RAD54B: variants seen among roughly 807,000 people sequenced by gnomAD.
RAD54B encodes DNA repair and recombination protein RAD54B.
Under a neutral mutation model 95.8 loss-of-function variants are expected in RAD54B, and 78 were observed. The ratio of observed to expected loss-of-function variants is 0.81; its 90% confidence interval spans 0.68 to 0.98. RAD54B has a LOEUF of 0.98. Among genes scored for constraint, RAD54B ranks in the 50% least tolerant of loss-of-function variants. RAD54B has a pLI of 0.00. For synonymous variants in RAD54B, 328 were observed against 354.9 expected (o/e 0.92, Z 0.85); for missense variants, 957 against 1,056.6 (o/e 0.91, Z 1.31).
At chr8:94,449,559 A>G (rs369921058) in intron 3 of RAD54B, among the ~76,000 whole-genome samples, 28 of 151,424 alleles carry the variant, frequency 1.8e-4, no homozygotes, top group African/African-American at 6.8e-4. Context: ...CAGTGAGCCA[A>G]GATCGCATCA....
In RAD54B at chr8:94,399,629, A is replaced by G. The variant is rs1236728136; in HGVS notation, c.1171-8T>C. The G allele has an allele frequency of 2.5e-6, 4 of 1,593,058 alleles. No homozygotes were observed. Among genetic ancestry groups the G allele is most frequent in the South Asian group, 1.1e-5 (1 of 87,490 alleles). ...TTCTTCAACTTTGTGGTCCTGAGGAAAAAAGATAGTATTTTAAAAATCAGG... is the reference window on the plus strand; with the variant it reads ...TTCTTCAACTTTGTGGTCCTGAGGAGAAAAGATAGTATTTTAAAAATCAGG... On this transcript the variant is annotated splice_polypyrimidine_tract_variant and splice_region_variant and intron_variant, in intron 7 of 14. Coordinates refer to ENST00000336148, the MANE Select transcript of RAD54B (RefSeq NM_012415.3).
chr8:94,467,460 T>A lies in RAD54B; in HGVS notation c.80A>T (p.Asn27Ile), dbSNP rs1426010784. 1 of 1,613,684 alleles carries A rather than the reference T, an allele frequency of 6.2e-7. No homozygotes were observed. The highest frequency in any genetic ancestry group is 1.1e-5 in the South Asian group (1 of 91,044). The change falls in exon 2 of 15, where the codon AAT becomes ATT. Residue 27 changes from asparagine (N) to isoleucine (I), a missense_variant. By Grantham distance (149) the Asn-to-Ile change is moderately radical (BLOSUM62 -3). Transcript: ENST00000336148. ...TGTAATCTCTTCATTCAGACCTGGATTACTTCTTCCTGGAGGTATAAATTT... is the reference window on the plus strand; with the variant it reads ...TGTAATCTCTTCATTCAGACCTGGAATACTTCTTCCTGGAGGTATAAATTT... ...KPKFIPPGRS[N>I]PGLNEEITKL...
In RAD54B at chr8:94,411,204, T is replaced by C. The variant is rs555902676; in HGVS notation, c.416A>G (p.Lys139Arg). The C allele has an allele frequency of 1.2e-6, 2 of 1,611,426 alleles. No homozygotes were observed. The highest frequency in any genetic ancestry group is 2.2e-5 in the South Asian group (2 of 90,478). ...VWCKPSKKKH[K>R]KWEGDAVLIV... The stretch of plus-strand genomic sequence containing the variant: ...AAGAACAGCATCACCTTCCCACTTT[T>C]TATGTTTTTTCTTTGAAGGCTTACA... The change falls in exon 4 of 15, where the codon AAA becomes AGA. Residue 139 changes from lysine to arginine, a missense_variant. By Grantham distance (26) the Lys-to-Arg change is conservative. Transcript: ENST00000336148.
At chr8:94,390,280 A>G (rs1036679868) in intron 10 of RAD54B, among the ~76,000 whole-genome samples, 187 of 151,896 alleles carry the variant, frequency 1.2e-3, no homozygotes, top group African/African-American at 4.1e-3. Flanking sequence ...CAGGCAGATC[A>G]CCTGAGGTCA....
At chr8:94,425,133 G>A (rs1307905019) in intron 3 of RAD54B, among the ~76,000 whole-genome samples, 2 of 150,328 alleles carry the variant, frequency 1.3e-5, no homozygotes, top group Non-Finnish European at 3.0e-5. Flanking sequence ...AATATTAATA[G>A]TGGGCATTAT....
intron 3 of RAD54B, among the ~76,000 whole-genome samples, chr8:94,438,417 A>T (rs1422609219): frequency 3.9e-5 from 6 of 152,224 alleles, no homozygotes; most frequent in Non-Finnish European, 8.8e-5. Flanking sequence ...AAATTGTAGA[A>T]ATCAGTAATG....
chr8:94,436,824 C>T, intron 3 of RAD54B: 1 of 1,545,938 alleles, frequency 6.5e-7, no homozygotes, highest in Non-Finnish European at 8.7e-7. Context: ...GCAAATCAAG[C>T]TTTTCGGATA....
chr8:94,374,925 A>G (rs556675371), intron 14 of RAD54B, among the ~76,000 whole-genome samples: 1 of 152,218 alleles, frequency 6.6e-6, no homozygotes, highest in Non-Finnish European at 1.5e-5. Context: ...ACTTAGGAAA[A>G]TGCTCAACTT....
intron 6 of RAD54B, 44 bp from the exon 7 acceptor site, chr8:94,400,507 AT>A: frequency 6.8e-7 from 1 of 1,463,276 alleles, no homozygotes; most frequent in Non-Finnish European, 9.3e-7. Flanking sequence ...ATAGAAAAAT[AT>A]TTTATGCTCT....
intron 3 of RAD54B, among the ~76,000 whole-genome samples, chr8:94,412,662 A>T (rs1338072715): frequency 1.3e-5 from 2 of 152,146 alleles, no homozygotes; most frequent in Non-Finnish European, 2.9e-5. Flanking sequence ...TATCAAAACA[A>T]TAAAATTTTA....
At chr8:94,458,549 A>C in intron 2 of RAD54B, 113 bp from the exon 3 acceptor site, 1 of 731,872 alleles carries the variant, frequency 1.4e-6, no homozygotes, top group Admixed American at 3.8e-5. Flanking sequence ...TTATATATAT[A>C]AACTAGAACT....
At chr8:94,418,870 AT>A (rs1811734187) in intron 3 of RAD54B, among the ~76,000 whole-genome samples, 1 of 152,218 alleles carries the variant, frequency 6.6e-6, no homozygotes, top group Non-Finnish European at 1.5e-5. Context: ...TTTGACTATC[AT>A]AAAGCTTCTA....
At chr8:94,373,689 T>C (rs191046736) in intron 14 of RAD54B, among the ~76,000 whole-genome samples, 2 of 152,338 alleles carry the variant, frequency 1.3e-5, no homozygotes, top group Admixed American at 1.3e-4. Context: ...TTTAGTTTCT[T>C]GTTACAGCAA....
At chr8:94,409,645 C>T (rs533502509) in intron 4 of RAD54B, among the ~76,000 whole-genome samples, 44 of 152,220 alleles carry the variant, frequency 2.9e-4, no homozygotes, top group African/African-American at 1.0e-3. Context: ...AGATTACAGG[C>T]GTGAGCCACT....
chr8:94,473,626 G>A (rs1464867432), intron 1 of RAD54B, among the ~76,000 whole-genome samples: 2 of 152,214 alleles, frequency 1.3e-5, no homozygotes, highest in Non-Finnish European at 2.9e-5. Flanking sequence ...AGGAGATAGA[G>A]AAGGGGTAGT....
At chr8:94,471,368 A>G (rs1377856171) in intron 1 of RAD54B, among the ~76,000 whole-genome samples, 1 of 152,184 alleles carries the variant, frequency 6.6e-6, no homozygotes, top group Non-Finnish European at 1.5e-5. Flanking sequence ...GCCTCATTCT[A>G]ATTTTTACAA....
chr8:94,406,491 A>T (rs1434703201), intron 5 of RAD54B, among the ~76,000 whole-genome samples: 2 of 152,184 alleles, frequency 1.3e-5, no homozygotes, highest in African/African-American at 2.4e-5. Flanking sequence ...CTTTGGGATA[A>T]GCTAATATAG....
intron 3 of RAD54B, chr8:94,437,079 C>T (rs1812285176): frequency 5.4e-6 from 5 of 925,662 alleles, no homozygotes; most frequent in Non-Finnish European, 7.3e-6. Context: ...CTACATAAAG[C>T]TTCTCACTGA....
chr8:94,375,631 G>A (rs572604723), intron 14 of RAD54B, among the ~76,000 whole-genome samples: 50 of 152,206 alleles, frequency 3.3e-4, no homozygotes, highest in Non-Finnish European at 6.6e-4. Flanking sequence ...TAATATAGTG[G>A]GGGATAAATT....
Sources: allele counts gnomAD v4.1 joint callset (sites outside exome capture counted in the v4.1 genomes callset), GRCh38; gene constraint gnomAD v4.1.1; transcripts MANE v1.5; gene names NCBI Gene and HGNC (gene_info 2026-07-23, HGNC 2026-07-21).